The following SORT1 variants were observed in gnomAD, a reference collection of about 807,000 sequenced individuals.
The protein encoded by SORT1 is sortilin.
In SORT1, 39 loss-of-function variants were observed where a neutral mutation model predicts 101.7. The ratio of observed to expected loss-of-function variants is 0.38; its 90% CI spans 0.30 to 0.50. SORT1 has a LOEUF of 0.50. Ranked by LOEUF, SORT1 falls within the 20% of genes least tolerant of loss-of-function variation. The pLI is 0.90. For synonymous variants in SORT1, 396 were observed against 393.7 expected, an observed-to-expected ratio of 1.01 and a Z score of -0.07; for missense variants, 878 against 1,040.4, an observed-to-expected ratio of 0.84 and a Z score of 2.15.
Position 109,311,186 on chromosome 1 carries a change from G to A in SORT1, c.*2857C>T, listed in dbSNP as rs1392776447. 6.6e-6 allele frequency: 1 copy of A among 152,222 alleles called. No individual in the cohort carries two copies. Among genetic ancestry groups the A allele is most frequent in the Non-Finnish European group, 1.5e-5 (1 of 68,054 alleles). 9.4% of individuals were successfully genotyped at this position (152,222 alleles called of 1,614,324 possible). ...AGCCCAATGCCCAATTAGGTCCAGA[G>A]AAGAAAGAAGAGTGAGTTCCCTACC... On this transcript the variant is annotated 3_prime_UTR_variant, in exon 20 of 20. Transcript: ENST00000256637.
intron 6 of SORT1, among the ~76,000 whole-genome samples, chr1:109,350,129 A>G (rs572334077): frequency 1.5e-4 from 23 of 152,214 alleles, no homozygotes; most frequent in Non-Finnish European, 2.8e-4. Flanking sequence ...TACATATCCT[A>G]CCTCTGTAAC....
chr1:109,376,305 T>C (rs1414796416), intron 1 of SORT1, among the ~76,000 whole-genome samples: 1 of 129,762 alleles, frequency 7.7e-6, no homozygotes, highest in Admixed American at 9.1e-5. Flanking sequence ...CATTCCAGCC[T>C]GGGCAACAGA....
At chr1:109,367,764 G>T (rs1482582048) in intron 2 of SORT1, among the ~76,000 whole-genome samples, 1 of 152,176 alleles carries the variant, frequency 6.6e-6, no homozygotes, top group Non-Finnish European at 1.5e-5. Context: ...CCAAATTATT[G>T]TAAGATACTC....
At chr1:109,343,797 C>T (rs936256319) in intron 8 of SORT1, among the ~76,000 whole-genome samples, 5 of 152,090 alleles carry the variant, frequency 3.3e-5, no homozygotes, top group African/African-American at 1.2e-4. Flanking sequence ...TACAGGCCTG[C>T]GCCACCACGC....
At chr1:109,337,261 A>G (rs935992865) in intron 10 of SORT1, among the ~76,000 whole-genome samples, 1 of 151,802 alleles carries the variant, frequency 6.6e-6, no homozygotes, top group Non-Finnish European at 1.5e-5. Flanking sequence ...TTATTTATTT[A>G]TTGAGATGGA....
intron 1 of SORT1, among the ~76,000 whole-genome samples, chr1:109,371,122 G>A (rs578155385): frequency 6.6e-6 from 1 of 152,294 alleles, no homozygotes; most frequent in South Asian, 2.1e-4. Context: ...CCTCACGCAG[G>A]TCTTGCTCCG....
intron 1 of SORT1, among the ~76,000 whole-genome samples, chr1:109,390,679 A>G (rs915472380): frequency 6.6e-6 from 1 of 151,732 alleles, no homozygotes; most frequent in African/African-American, 2.4e-5. Flanking sequence ...TCCCAGTTCA[A>G]TTTCTCCTGG....
rs548303855 is a variant in SORT1 at position 109,354,611 on chromosome 1, G to C, written c.544-80C>G. The stretch of plus-strand genomic sequence containing the variant: ...AGGAGTTCTTACACCATTTTCACCA[G>C]ACATTAGTTAAGAAATTTTAGTTCT... On this transcript the variant is annotated intron_variant, in intron 4 of 19. Transcript: ENST00000256637. The C allele has an allele frequency of 2.8e-6, 3 of 1,058,128 alleles. No individual in the cohort carries two copies. The South Asian group carries it at 4.9e-5, about 17-fold the overall frequency. The allele number at this position is 1,058,128 out of a possible 1,614,324, so 65.5% of individuals were successfully genotyped here.
rs147834852 is a variant in SORT1 at position 109,361,243 on chromosome 1, C to A, written c.441-5774G>T. ...TTAGATATTGTTTTAGCTAAATATG[C>A]AATTTCATTGCTTGCAAGTTCTACT... On this transcript the variant is annotated intron_variant, in intron 3 of 19. Coordinates refer to ENST00000256637, the MANE Select transcript of SORT1 (RefSeq NM_002959.7). Among the ~76,000 whole-genome samples the A allele has an allele frequency of 4.7e-4, 72 of 152,316 alleles. No individual in the cohort carries two copies. In the East Asian group the frequency reaches 0.011, roughly 24 times the overall value.
chr1:109,351,961 T>G (rs893130770), intron 5 of SORT1, among the ~76,000 whole-genome samples: 1 of 100,900 alleles, frequency 9.9e-6, no homozygotes, highest in African/African-American at 3.9e-5. Flanking sequence ...GGATGAGAGG[T>G]AGGGGTGTGT....
At chr1:109,371,539 A>C (rs1651483263) in intron 1 of SORT1, among the ~76,000 whole-genome samples, 1 of 152,242 alleles carries the variant, frequency 6.6e-6, no homozygotes, top group Admixed American at 6.5e-5. Context: ...GGTTGTCTTC[A>C]TCAGGCTGTA....
chr1:109,367,121 G>C, intron 3 of SORT1: 1 of 255,516 alleles, frequency 3.9e-6, no homozygotes, highest in Admixed American at 5.5e-5. Flanking sequence ...CAGCTACCTG[G>C]GAGGCTGAAG....
intron 11 of SORT1, among the ~76,000 whole-genome samples, chr1:109,335,926 C>T (rs992948764): frequency 6.6e-6 from 1 of 152,238 alleles, no homozygotes. Flanking sequence ...TCTAAAGTCT[C>T]CCAGCTGCCA....
At chr1:109,357,465 G>C (rs966376366) in intron 3 of SORT1, among the ~76,000 whole-genome samples, 2 of 152,202 alleles carry the variant, frequency 1.3e-5, no homozygotes, top group Admixed American at 6.5e-5. Flanking sequence ...GGAGTTGCAA[G>C]GGAAGGCAAT....
chr1:109,355,216 TA>T, intron 4 of SORT1, 150 bp downstream of exon 4: 1 of 598,256 alleles, frequency 1.7e-6, no homozygotes, highest in East Asian at 3.0e-5. Context: ...GTGAGACCCT[TA>T]AAAAATTGTG....
intron 1 of SORT1, among the ~76,000 whole-genome samples, chr1:109,380,813 C>CAAAAAA (rs60568166): frequency 0.011 from 523 of 49,194 alleles, 69 homozygotes; most frequent in African/African-American, 0.048. Flanking sequence ...CCTGTCGCCA[C>CAAAAAA]AAAAAAAAAA....
chr1:109,343,149 T>C (rs1649340020), intron 8 of SORT1, among the ~76,000 whole-genome samples: 1 of 152,194 alleles, frequency 6.6e-6, no homozygotes. Context: ...GGTAAGTTAC[T>C]CAATTTCCTC....
intron 1 of SORT1, among the ~76,000 whole-genome samples, chr1:109,384,507 T>C (rs1169210504): frequency 1.3e-5 from 2 of 152,210 alleles, no homozygotes; most frequent in African/African-American, 4.8e-5. Context: ...GCATTAAGTT[T>C]ATAATCCAGG....
At chr1:109,327,183 A>G in intron 12 of SORT1, 23 bp from the exon 13 acceptor site, 1 of 1,584,986 alleles carries the variant, frequency 6.3e-7, no homozygotes, top group Non-Finnish European at 8.7e-7. Flanking sequence ...CCACCATCTC[A>G]TTAGCACAAA....
Sources: allele counts gnomAD v4.1 joint callset (sites outside exome capture counted in the v4.1 genomes callset), GRCh38; gene constraint gnomAD v4.1.1; transcripts MANE v1.5; gene names NCBI Gene and HGNC (gene_info 2026-07-23, HGNC 2026-07-21).